The following RABEP1 variants were observed in gnomAD, a reference collection of about 807,000 sequenced individuals.
The protein encoded by RABEP1 is rab GTPase-binding effector protein 1.
RABEP1 carries 51 observed loss-of-function variants against 123.4 expected under a neutral mutation model. The observed-to-expected ratio is 0.41, with a 90% CI of 0.33 to 0.52. RABEP1 has a LOEUF of 0.52. Among genes scored for constraint, RABEP1 ranks in the 20% least tolerant of loss-of-function variants. The probability of loss-of-function intolerance (pLI) is 0.16; values close to 1 mark genes in which losing one functional copy is unlikely to be tolerated. For synonymous variants in RABEP1, 347 were observed against 355.2 expected, an observed-to-expected ratio of 0.98 and a Z score of 0.26; for missense variants, 888 against 996.3, an observed-to-expected ratio of 0.89 and a Z score of 1.46.
At chr17:5,359,026 T>C (rs1376644502) in intron 8 of RABEP1, among the ~76,000 whole-genome samples, 2 of 151,828 alleles carry the variant, frequency 1.3e-5, no homozygotes, top group African/African-American at 4.8e-5. Context: ...CCTCCCAAAG[T>C]GTTGGATTTA....
intron 8 of RABEP1, among the ~76,000 whole-genome samples, chr17:5,360,599 T>C (rs1472690696): frequency 2.0e-5 from 3 of 152,152 alleles, no homozygotes; most frequent in Non-Finnish European, 4.4e-5. Context: ...TCATTTCCTT[T>C]CCACTACTCT....
chr17:5,361,301 A>C lies in RABEP1; in HGVS notation c.1189A>C (p.Met397Leu). 1 of 1,614,144 alleles carries C rather than the reference A, an allele frequency of 6.2e-7. No homozygotes were observed. The highest frequency in any genetic ancestry group is 8.5e-7 in the Non-Finnish European group (1 of 1,180,036). The change falls in exon 9 of 18, where the codon ATG (methionine) becomes CTG (leucine). Residue 397 changes from methionine to leucine, a missense_variant. Met to Leu is a conservative substitution (Grantham distance 15, BLOSUM62 2). Coordinates refer to ENST00000537505, the MANE Select transcript of RABEP1 (RefSeq NM_004703.6). ...GDPFSKSDND[M>L]FKDGLRRAQS... ...TCCTTTCAGTAAATCGGACAATGAC[A>C]TGTTTAAAGATGGACTCAGGAGAGC...
intron 1 of RABEP1, among the ~76,000 whole-genome samples, chr17:5,301,821 T>C (rs2075137619): frequency 6.6e-6 from 1 of 151,942 alleles, no homozygotes; most frequent in Non-Finnish European, 1.5e-5. Flanking sequence ...CTGCACTAGC[T>C]TCAGGTTGTA....
At chr17:5,292,173 C>T (rs138977184) in intron 1 of RABEP1, among the ~76,000 whole-genome samples, 1 of 152,338 alleles carries the variant, frequency 6.6e-6, no homozygotes, top group African/African-American at 2.4e-5. Flanking sequence ...TCACTTCATC[C>T]TTGTCAACGT....
intron 2 of RABEP1, among the ~76,000 whole-genome samples, chr17:5,321,063 A>G (rs917585478): frequency 3.3e-5 from 5 of 152,192 alleles, no homozygotes; most frequent in African/African-American, 1.2e-4. Flanking sequence ...TAATCCCAAT[A>G]TTTTGGGAGG....
intron 1 of RABEP1, among the ~76,000 whole-genome samples, chr17:5,282,776 C>T (rs569222882): frequency 6.6e-5 from 10 of 150,892 alleles, no homozygotes; most frequent in South Asian, 6.3e-4. Context: ...GGGGAGGCTG[C>T]TGGGTAGCGT....
intron 12 of RABEP1, among the ~76,000 whole-genome samples, chr17:5,372,981 C>G (rs1404192628): frequency 6.6e-6 from 1 of 152,178 alleles, no homozygotes; most frequent in East Asian, 1.9e-4. Flanking sequence ...TGGTCTCAAA[C>G]TCCTGAGCTC....
chr17:5,337,692 CAAAA>C (rs541888260), intron 4 of RABEP1, among the ~76,000 whole-genome samples: 1 of 146,908 alleles, frequency 6.8e-6, no homozygotes, highest in Admixed American at 6.8e-5. Context: ...GACTCCGTCT[CAAAA>C]AAAAAAATTT....
Position 5,331,937 on chromosome 17 carries a change from T to C in RABEP1, c.164-12T>C. 6.2e-7 allele frequency: 1 copy of C among 1,613,146 alleles called. No individual in the cohort carries two copies. Among genetic ancestry groups the C allele is most frequent in the Non-Finnish European group, 8.5e-7 (1 of 1,179,180 alleles). ...TGAACATTAATGGACTATCTTTTAC[T>C]TTTCTCTCCAGAGGATCTGAAGAGG... On this transcript the variant is annotated splice_polypyrimidine_tract_variant and intron_variant, in intron 2 of 17. Coordinates refer to ENST00000537505, the MANE Select transcript of RABEP1 (RefSeq NM_004703.6).
chr17:5,368,307 G>A (rs979038462), intron 11 of RABEP1, 63 bp from the exon 12 acceptor site: 3 of 1,123,484 alleles, frequency 2.7e-6, no homozygotes, highest in Non-Finnish European at 4.0e-6. Flanking sequence ...TTAGAAGATG[G>A]AAGAGTTAGT....
chr17:5,345,525 A>G (rs1409613420), intron 5 of RABEP1, among the ~76,000 whole-genome samples: 1 of 152,238 alleles, frequency 6.6e-6, no homozygotes, highest in Non-Finnish European at 1.5e-5. Context: ...CCAAAAAGTA[A>G]TAACTGGTAG....
intron 3 of RABEP1, among the ~76,000 whole-genome samples, chr17:5,333,510 G>A (rs1161124402): frequency 2.0e-5 from 3 of 152,070 alleles, no homozygotes; most frequent in East Asian, 1.9e-4. Context: ...TTTTTCCACC[G>A]TGTTTGCAAT....
chr17:5,313,379 T>C (rs910679361), intron 2 of RABEP1, among the ~76,000 whole-genome samples: 7 of 152,232 alleles, frequency 4.6e-5, no homozygotes, highest in Non-Finnish European at 1.0e-4. Flanking sequence ...CTCTGTAGCT[T>C]GTTCATCCTG....
intron 13 of RABEP1, 51 bp downstream of exon 13, chr17:5,373,505 A>G: frequency 6.5e-7 from 1 of 1,536,806 alleles, no homozygotes; most frequent in Non-Finnish European, 8.8e-7. Flanking sequence ...GTTTTCTGAA[A>G]TGGCCGTATG....
chr17:5,372,375 C>T (rs368696921), intron 12 of RABEP1, among the ~76,000 whole-genome samples: 32 of 151,446 alleles, frequency 2.1e-4, no homozygotes, highest in Non-Finnish European at 3.8e-4. Flanking sequence ...AACCGGGACT[C>T]GGGAGGTGGA....
At chr17:5,343,210 C>T (rs1907767625) in intron 5 of RABEP1, among the ~76,000 whole-genome samples, 1 of 152,080 alleles carries the variant, frequency 6.6e-6, no homozygotes, top group African/African-American at 2.4e-5. Context: ...CAAGATCGCA[C>T]CATTGCACTC....
chr17:5,357,645 A>G (rs1441801767), intron 8 of RABEP1, among the ~76,000 whole-genome samples: 1 of 152,180 alleles, frequency 6.6e-6, no homozygotes, highest in Non-Finnish European at 1.5e-5. Context: ...TGCTGGGATT[A>G]CAGGTGTGAG....
chr17:5,329,183 A>G (rs555142147), intron 2 of RABEP1, among the ~76,000 whole-genome samples: 1 of 152,248 alleles, frequency 6.6e-6, no homozygotes, highest in African/African-American at 2.4e-5. Flanking sequence ...TAGATAATGT[A>G]GTATTTCTGG....
At chr17:5,302,473 T>C (rs1295071087) in intron 1 of RABEP1, among the ~76,000 whole-genome samples, 1 of 151,932 alleles carries the variant, frequency 6.6e-6, no homozygotes, top group Non-Finnish European at 1.5e-5. Flanking sequence ...ACTCCTGACC[T>C]CAGGCGATCC....
Sources: gnomAD v4.1 joint callset for allele counts (sites outside exome capture counted in the v4.1 genomes callset) on GRCh38, gnomAD v4.1.1 for gene constraint, MANE v1.5 for transcripts, NCBI Gene and HGNC (gene_info 2026-07-23, HGNC 2026-07-21) for gene names.